The following CDH18 variants were observed in gnomAD, a reference collection of about 807,000 sequenced individuals.
CDH18 encodes cadherin-18.
In CDH18, 31 loss-of-function variants were observed where a neutral mutation model predicts 67.9. The ratio of observed to expected loss-of-function variants is 0.46; its 90% CI spans 0.34 to 0.62. CDH18 has a LOEUF of 0.62. Among genes scored for constraint, CDH18 ranks in the 20% least tolerant of loss-of-function variants. The pLI, the probability that CDH18 is intolerant of heterozygous loss-of-function variation, is 0.01. For synonymous variants in CDH18, 362 were observed against 347.2 expected, an observed-to-expected ratio of 1.04 and a Z score of -0.48; for missense variants, 890 against 975.5, an observed-to-expected ratio of 0.91 and a Z score of 1.17.
At chr5:19,721,577 G>T in intron 4 of CDH18, 111 bp from the exon 5 acceptor site, 2 of 821,094 alleles carry the variant, frequency 2.4e-6, no homozygotes, top group Non-Finnish European at 3.6e-6. Flanking sequence ...TACTGGTTGT[G>T]TCCTAGTAAA....
intron 3 of CDH18, among the ~76,000 whole-genome samples, chr5:19,754,147 G>GT: frequency 6.6e-6 from 1 of 152,000 alleles, no homozygotes; most frequent in Non-Finnish European, 1.5e-5. Context: ...GAATGGAATG[G>GT]TACCTCACAT....
intron 1 of CDH18, among the ~76,000 whole-genome samples, chr5:20,568,255 A>G (rs771233577): frequency 2.0e-5 from 3 of 152,190 alleles, no homozygotes; most frequent in Non-Finnish European, 4.4e-5. Context: ...TTGAAACCCA[A>G]TGACCTACTC....
intron 6 of CDH18, among the ~76,000 whole-genome samples, chr5:19,603,871 CATT>C (rs1233096197): frequency 6.7e-6 from 1 of 150,248 alleles, no homozygotes; most frequent in African/African-American, 2.4e-5. Flanking sequence ...TGTTCTAACT[CATT>C]AGAATTTTTT....
chr5:20,004,083 C>T (rs1736685179), intron 2 of CDH18, among the ~76,000 whole-genome samples: 4 of 152,190 alleles, frequency 2.6e-5, no homozygotes, highest in Non-Finnish European at 5.9e-5. Flanking sequence ...CAACTACTTG[C>T]TGTTTGCTCG....
chr5:19,785,490 T>C (rs1216546087), intron 3 of CDH18, among the ~76,000 whole-genome samples: 1 of 149,470 alleles, frequency 6.7e-6, no homozygotes, highest in African/African-American at 2.5e-5. Context: ...CCGTCTCTAC[T>C]AAAAATACAA....
intron 2 of CDH18, among the ~76,000 whole-genome samples, chr5:19,883,156 T>A (rs1036019521): frequency 6.6e-6 from 1 of 152,142 alleles, no homozygotes; most frequent in Non-Finnish European, 1.5e-5. Flanking sequence ...AATCAAAATC[T>A]GTGGGCATTG....
At chr5:19,551,114 A>T (rs1198780694) in intron 8 of CDH18, among the ~76,000 whole-genome samples, 4 of 152,190 alleles carry the variant, frequency 2.6e-5, no homozygotes, top group Non-Finnish European at 5.9e-5. Context: ...GATTGGGAAA[A>T]ATGTCAAGGA....
At chr5:19,759,392 G>C (rs943298545) in intron 3 of CDH18, among the ~76,000 whole-genome samples, 1 of 152,166 alleles carries the variant, frequency 6.6e-6, no homozygotes, top group African/African-American at 2.4e-5. Context: ...CAGCTCTAAA[G>C]GCTTCCATTT....
intron 2 of CDH18, among the ~76,000 whole-genome samples, chr5:20,111,699 C>A (rs1330710060): frequency 2.0e-5 from 3 of 151,830 alleles, no homozygotes; most frequent in Non-Finnish European, 4.4e-5. Flanking sequence ...AGTGCGCCAC[C>A]ACACCCAGCT....
intron 3 of CDH18, among the ~76,000 whole-genome samples, chr5:19,793,758 G>A (rs901432899): frequency 3.9e-5 from 6 of 152,060 alleles, no homozygotes; most frequent in Non-Finnish European, 8.8e-5. Flanking sequence ...CTCCTGAAAG[G>A]TAAGAGAGGA....
intron 3 of CDH18, among the ~76,000 whole-genome samples, chr5:19,762,005 T>C (rs939801370): frequency 5.3e-5 from 8 of 152,146 alleles, no homozygotes; most frequent in Non-Finnish European, 1.2e-4. Context: ...GATTCCCTAT[T>C]TAATAAATGG....
chr5:19,756,215 TA>T (rs1302147638), intron 3 of CDH18, among the ~76,000 whole-genome samples: 1 of 152,198 alleles, frequency 6.6e-6, no homozygotes, highest in Non-Finnish European at 1.5e-5. Context: ...ACGAAGTCAA[TA>T]AATCTTATGT....
At chr5:19,519,305 A>T (rs1017751588) in intron 10 of CDH18, among the ~76,000 whole-genome samples, 1 of 152,198 alleles carries the variant, frequency 6.6e-6, no homozygotes, top group African/African-American at 2.4e-5. Flanking sequence ...ATAGGTAATG[A>T]TTACTTTAGC....
At chr5:20,359,083 C>T (rs1741875171) in intron 1 of CDH18, among the ~76,000 whole-genome samples, 1 of 151,922 alleles carries the variant, frequency 6.6e-6, no homozygotes, top group East Asian at 1.9e-4. Flanking sequence ...AGGAGTGTGC[C>T]ACCATGCCTA....
At chr5:19,691,975 G>C (rs1323417935) in intron 5 of CDH18, among the ~76,000 whole-genome samples, 1 of 151,806 alleles carries the variant, frequency 6.6e-6, no homozygotes, top group Non-Finnish European at 1.5e-5. Context: ...CCTGACTTCA[G>C]AATATATTAC....
At chr5:19,808,613 G>T (rs1357705210) in intron 3 of CDH18, among the ~76,000 whole-genome samples, 1 of 151,826 alleles carries the variant, frequency 6.6e-6, no homozygotes, top group Non-Finnish European at 1.5e-5. Flanking sequence ...ATCACCTGAG[G>T]TCAGGAGTTC....
chr5:20,063,131 A>G (rs949340553), intron 2 of CDH18, among the ~76,000 whole-genome samples: 1 of 151,162 alleles, frequency 6.6e-6, no homozygotes, highest in Non-Finnish European at 1.5e-5. Context: ...ATTTTTCAAC[A>G]ATTATTAGTT....
intron 1 of CDH18, among the ~76,000 whole-genome samples, chr5:20,471,983 T>TCCCTTATCTCCTTCAAG (rs1462618714): frequency 0.21 from 25 of 120 alleles, no homozygotes; most frequent in South Asian, 0.5. Flanking sequence ...CCAAAATAAA[T>TCCCTTATCTCCTTCAAG]TCACTGAACT....
At chr5:19,650,027 T>C (rs1755350899) in intron 5 of CDH18, among the ~76,000 whole-genome samples, 1 of 152,024 alleles carries the variant, frequency 6.6e-6, no homozygotes. Flanking sequence ...TAAAAAATTT[T>C]ACTTTTTGCA....
Sources: allele counts gnomAD v4.1 joint callset (sites outside exome capture counted in the v4.1 genomes callset), GRCh38; gene constraint gnomAD v4.1.1; transcripts MANE v1.5; gene names NCBI Gene and HGNC (gene_info 2026-07-23, HGNC 2026-07-21).